GRHL3: variants seen among roughly 807,000 people sequenced by gnomAD.
GRHL3 encodes the protein grainyhead like transcription factor 3, also known as grainyhead-like protein 3 homolog.
Under a neutral mutation model 70.3 loss-of-function variants are expected in GRHL3, and 20 were observed. That is an observed-to-expected ratio of 0.28 (90% CI 0.20 to 0.41). The LOEUF (loss-of-function observed/expected upper bound fraction) is 0.41. Ranked by LOEUF, GRHL3 falls within the 10% of genes least tolerant of loss-of-function variation. The pLI is 1.00. For missense variants in GRHL3, 637 were observed against 762.3 expected (o/e 0.84, Z 1.94); for synonymous variants, 299 against 299.9 (o/e 1.00, Z 0.03).
At chr1:24,363,000 A>G (rs1381134420) in intron 15 of GRHL3, among the ~76,000 whole-genome samples, 1 of 152,146 alleles carries the variant, frequency 6.6e-6, no homozygotes, top group Non-Finnish European at 1.5e-5. Context: ...ACCTCCAGAC[A>G]TTTGATGAGT....
chr1:24,335,239 C>T (rs1210681202), intron 3 of GRHL3, among the ~76,000 whole-genome samples: 1 of 152,200 alleles, frequency 6.6e-6, no homozygotes, highest in Non-Finnish European at 1.5e-5. Flanking sequence ...GGAGGGAGAC[C>T]TGTGTTGGGG....
At chr1:24,323,784 T>TA (rs1212913575) in intron 1 of GRHL3, among the ~76,000 whole-genome samples, 1 of 152,236 alleles carries the variant, frequency 6.6e-6, no homozygotes, top group Non-Finnish European at 1.5e-5. Flanking sequence ...TCCCCCTCTC[T>TA]ATTCCTTTTG....
At position 24,354,536 on chromosome 1, in the gene GRHL3, G is replaced by C. The variant is rs199735356; in HGVS notation, c.*48G>C. On this transcript the variant is annotated 3_prime_UTR_variant, in exon 16 of 16. Coordinates refer to ENST00000361548, the MANE Select transcript of GRHL3 (RefSeq NM_198173.3). Reference sequence around the variant, plus strand: ...TCACGACCTGCAAGGGGCCAGCAGGGACGTGGCCCCACGCCACACACAACC... The same window carrying C: ...TCACGACCTGCAAGGGGCCAGCAGGCACGTGGCCCCACGCCACACACAACC... 9.0e-6 allele frequency: 11 copies of C among 1,216,976 alleles called. No homozygotes were observed. The highest frequency in any genetic ancestry group is 2.3e-5 in the East Asian group (1 of 42,812). The allele number at this position is 1,216,976 out of a possible 1,614,324, so 75.4% of individuals were successfully genotyped here.
At chr1:24,352,270 G>T (rs1307405397) in intron 15 of GRHL3, among the ~76,000 whole-genome samples, 2 of 152,116 alleles carry the variant, frequency 1.3e-5, no homozygotes, top group Admixed American at 6.5e-5. Flanking sequence ...TCAAAGGCCT[G>T]GTTTATTTTC....
intron 12 of GRHL3, 93 bp from the exon 13 acceptor site, chr1:24,346,460 C>T: frequency 1.3e-6 from 1 of 785,230 alleles, no homozygotes; most frequent in Non-Finnish European, 2.2e-6. Context: ...TGTTTTCTTC[C>T]CCATTTCTAG....
At chr1:24,341,683 T>C (rs939023303) in intron 8 of GRHL3, among the ~76,000 whole-genome samples, 16 of 152,158 alleles carry the variant, frequency 1.1e-4, no homozygotes, top group Admixed American at 8.5e-4. Flanking sequence ...AGGAAAGTGG[T>C]CTCCTTGTGC....
At chr1:24,355,757 C>G (rs1043924775), downstream of GRHL3, among the ~76,000 whole-genome samples, 2 of 152,174 alleles carry the variant, frequency 1.3e-5, no homozygotes. Flanking sequence ...TATCTCTTCC[C>G]AACTCTGAAG....
intron 13 of GRHL3, 78 bp from the exon 14 acceptor site, chr1:24,347,390 G>T (rs760439903): frequency 7.8e-7 from 1 of 1,279,692 alleles, no homozygotes; most frequent in Admixed American, 1.7e-5. Flanking sequence ...TTCAAGTAAC[G>T]TTTTCAGATT....
In GRHL3 at chr1:24,342,658, A is replaced by C. The variant is rs780375212; in HGVS notation, c.1207-36A>C. ...GCTGTGAAAGTAGCTAGCCCCTCCC[A>C]GGCCCTTGGTGACCCTCTCTCCTTC... On this transcript the variant is annotated intron_variant, in intron 9 of 15. Transcript: ENST00000361548. The surrounding 1 kb of genome is among the most constrained non-coding windows in gnomAD (Gnocchi z 4.8). The C allele has an allele frequency of 6.3e-7, 1 of 1,588,376 alleles. No individual in the cohort carries two copies. The highest frequency in any genetic ancestry group is 1.7e-5 in the Admixed American group (1 of 59,928).
intron 12 of GRHL3, among the ~76,000 whole-genome samples, chr1:24,346,096 T>C (rs762022278): frequency 6.6e-6 from 1 of 151,962 alleles, no homozygotes; most frequent in Admixed American, 6.6e-5. Flanking sequence ...AAGCCTGTCT[T>C]ACTCCAAAGC....
At position 24,334,634 on chromosome 1, in the gene GRHL3, T is replaced by C; in HGVS notation, c.205-11T>C. ...TAGCCATGCATAAATCCTTCCTTTC[T>C]CTCTTCTCAGGGTCCCAAGGAGAAG... is the stretch of plus-strand genomic sequence containing the variant. On this transcript the variant is annotated splice_polypyrimidine_tract_variant and intron_variant, in intron 2 of 15. Transcript: ENST00000361548. The surrounding 1 kb of genome is among the most constrained non-coding windows in gnomAD (Gnocchi z 4.3). 6.2e-7 allele frequency: 1 copy of C among 1,608,142 alleles called. No homozygotes were observed. Among genetic ancestry groups the C allele is most frequent in the Non-Finnish European group, 8.5e-7 (1 of 1,177,032 alleles).
intron 14 of GRHL3, among the ~76,000 whole-genome samples, chr1:24,348,544 A>G (rs915415997): frequency 6.6e-6 from 1 of 152,168 alleles, no homozygotes; most frequent in African/African-American, 2.4e-5. Context: ...GGGTTGGACA[A>G]TACCTTAAAG....
At chr1:24,349,017 C>T (rs1450611575) in intron 14 of GRHL3, among the ~76,000 whole-genome samples, 2 of 152,218 alleles carry the variant, frequency 1.3e-5, no homozygotes, top group East Asian at 3.8e-4. Context: ...ACAATCGTCT[C>T]AGTTCGTGTG....
At chr1:24,346,082 C>A (rs770363680) in intron 12 of GRHL3, among the ~76,000 whole-genome samples, 7 of 152,020 alleles carry the variant, frequency 4.6e-5, no homozygotes, top group Non-Finnish European at 7.4e-5. Flanking sequence ...CAGGACTGGA[C>A]CCCAAGCCTG....
chr1:24,323,305 C>T lies in GRHL3; in HGVS notation c.17+3737C>T, dbSNP rs114870282. Among the ~76,000 whole-genome samples, 2,238 of 152,252 alleles carry T rather than the reference C, an allele frequency of 0.015. 49 individuals carry two copies. Among genetic ancestry groups the T allele is most frequent in the African/African-American group, 0.05 (2,079 of 41,528 alleles). On this transcript the variant is annotated intron_variant, in intron 1 of 15. Coordinates refer to ENST00000361548, the MANE Select transcript of GRHL3 (RefSeq NM_198173.3). ...ACTAGTTAAAAATGCAAATTCTCAGCCCCACCCTAGACCTACTGAATCAGA... is the reference window on the plus strand; with the variant it reads ...ACTAGTTAAAAATGCAAATTCTCAGTCCCACCCTAGACCTACTGAATCAGA...
At chr1:24,331,375 C>T (rs368625887) in intron 1 of GRHL3, 51 bp from the exon 2 acceptor site, 65 of 1,526,526 alleles carry the variant, frequency 4.3e-5, no homozygotes, top group Middle Eastern at 1.7e-4. Flanking sequence ...TGCCCATTCA[C>T]GGACCTTCCT....
rs1639860022 is a variant in GRHL3 at position 24,337,292 on chromosome 1, CAG to C, written c.686+143_686+144del. ...ATGAAGGCAGATAGATAGAGGGAGA[CAG>C]AATGATTCCCACATCCTGTCCCCGG... On this transcript the variant is annotated intron_variant, in intron 5 of 15. Transcript: ENST00000361548. The C allele has an allele frequency of 1.1e-5, 7 of 637,990 alleles. No individual in the cohort carries two copies. The South Asian group carries it at 1.4e-4, about 13-fold the overall frequency. 39.5% of individuals were successfully genotyped at this position (637,990 alleles called of 1,614,324 possible).
At chr1:24,360,089 G>A (rs1205865446), downstream of GRHL3, among the ~76,000 whole-genome samples, 1 of 152,170 alleles carries the variant, frequency 6.6e-6, no homozygotes, top group Non-Finnish European at 1.5e-5. Context: ...GCTCTCCAGG[G>A]CTTCCTCAGC....
intron 1 of GRHL3, among the ~76,000 whole-genome samples, chr1:24,328,218 C>G (rs1219044344): frequency 9.9e-5 from 15 of 152,218 alleles, no homozygotes. Context: ...AGTCCGACAG[C>G]TCCAAGTTCA....
Sources: allele counts gnomAD v4.1 joint callset (sites outside exome capture counted in the v4.1 genomes callset), GRCh38; gene constraint gnomAD v4.1.1; non-coding constraint Gnocchi (gnomAD v3.1); transcripts MANE v1.5; gene names NCBI Gene and HGNC (gene_info 2026-07-23, HGNC 2026-07-21).